Variants in DLGAP2 observed in about 807,000 individuals in gnomAD.
The protein encoded by DLGAP2 is disks large-associated protein 2.
In DLGAP2, 26 loss-of-function variants were observed where a neutral mutation model predicts 100.3. That is an observed-to-expected ratio of 0.26 (90% confidence interval 0.19 to 0.36). DLGAP2 has a LOEUF of 0.36. Among genes scored for constraint, DLGAP2 ranks in the 10% least tolerant of loss-of-function variants. DLGAP2 has a pLI of 1.00. For missense variants in DLGAP2, 1,858 were observed against 1,453.2 expected, an observed-to-expected ratio of 1.28 and a Z score of -4.53; for synonymous variants, 886 against 630.1, an observed-to-expected ratio of 1.41 and a Z score of -6.08.
chr8:999,678 A>G (rs556349090), intron 2 of DLGAP2, among the ~76,000 whole-genome samples: 1 of 151,954 alleles, frequency 6.6e-6, no homozygotes, highest in East Asian at 1.9e-4. Context: ...ATGGGGTTTC[A>G]CCATGTTTGC....
chr8:1,025,372 A>G (rs544218612), intron 2 of DLGAP2, among the ~76,000 whole-genome samples: 2 of 152,058 alleles, frequency 1.3e-5, no homozygotes, highest in Non-Finnish European at 2.9e-5. Context: ...CTTCCCATAA[A>G]CTTAACTGAG....
At chr8:1,010,560 C>T (rs900993657) in intron 2 of DLGAP2, among the ~76,000 whole-genome samples, 20 of 152,212 alleles carry the variant, frequency 1.3e-4, no homozygotes, top group African/African-American at 4.3e-4. Context: ...AGAGTAGAGC[C>T]ATTTTACTGG....
At chr8:1,447,276 A>T (rs1331592982) in intron 3 of DLGAP2, among the ~76,000 whole-genome samples, 1 of 152,030 alleles carries the variant, frequency 6.6e-6, no homozygotes, top group African/African-American at 2.4e-5. Context: ...CATCTAATTT[A>T]TTGAGAGTTT....
chr8:989,966 C>T (rs1439420157), intron 2 of DLGAP2, among the ~76,000 whole-genome samples: 4 of 152,086 alleles, frequency 2.6e-5, no homozygotes, highest in Admixed American at 6.5e-5. Flanking sequence ...GTTCGATGAG[C>T]TCTGAGGAAC....
intron 2 of DLGAP2, among the ~76,000 whole-genome samples, chr8:1,233,433 A>G (rs183387029): frequency 2.4e-4 from 37 of 152,286 alleles, no homozygotes; most frequent in Middle Eastern, 6.8e-3. Flanking sequence ...AATTATTGCA[A>G]ACGTCCTGCC....
chr8:1,254,676 C>G (rs76821632), intron 2 of DLGAP2, among the ~76,000 whole-genome samples: 8,174 of 152,124 alleles, frequency 0.054, 773 homozygotes, highest in African/African-American at 0.19. Context: ...TCAGTGGTGT[C>G]TTTCCCAGGA....
At chr8:1,687,319 A>T (rs1485284006) in intron 12 of DLGAP2, among the ~76,000 whole-genome samples, 4 of 152,272 alleles carry the variant, frequency 2.6e-5, no homozygotes, top group Non-Finnish European at 4.4e-5. Flanking sequence ...ATTTCTTTGT[A>T]CATGGAAGGC....
At chr8:1,466,101 G>A (rs1434799634) in intron 3 of DLGAP2, among the ~76,000 whole-genome samples, 1 of 152,130 alleles carries the variant, frequency 6.6e-6, no homozygotes, top group Non-Finnish European at 1.5e-5. Context: ...TTTGCATTTT[G>A]AGTAATAAAT....
rs546294912 is a variant in DLGAP2, at chr8:986,701, C to T, written c.73+78735C>T. The stretch of plus-strand genomic sequence containing the variant: ...TTGAGACAGAGTCTCACTCTGTTGC[C>T]TAGGCTGGAGTGCAATGATGCAATC... On this transcript the variant is annotated intron_variant, in intron 2 of 14. Coordinates refer to ENST00000637795, the MANE Select transcript of DLGAP2 (RefSeq NM_001346810.2). Among the ~76,000 whole-genome samples, 21 of 149,730 alleles carry T rather than the reference C, an allele frequency of 1.4e-4. No homozygotes were observed. In the South Asian group the frequency reaches 3.2e-3, roughly 23 times the overall value.
intron 13 of DLGAP2, 95 bp downstream of exon 13, chr8:1,691,721 C>T (rs747553705): frequency 1.8e-6 from 2 of 1,095,906 alleles, no homozygotes; most frequent in Non-Finnish European, 2.7e-6. Flanking sequence ...TCAAAGAGTT[C>T]CCATCGGTAT....
intron 2 of DLGAP2, among the ~76,000 whole-genome samples, chr8:1,238,500 G>T (rs372262850): frequency 1.5e-5 from 2 of 130,332 alleles, no homozygotes; most frequent in Non-Finnish European, 1.7e-5. Flanking sequence ...CTCACATGGC[G>T]CCGTGTCTAG....
At chr8:1,561,591 C>A (rs969983342) in intron 5 of DLGAP2, among the ~76,000 whole-genome samples, 3 of 152,236 alleles carry the variant, frequency 2.0e-5, no homozygotes, top group Non-Finnish European at 4.4e-5. Flanking sequence ...TCACTGTGAG[C>A]TGCCGTGTGC....
intron 3 of DLGAP2, among the ~76,000 whole-genome samples, chr8:1,498,303 A>T (rs1799609058): frequency 6.6e-6 from 1 of 152,186 alleles, no homozygotes; most frequent in African/African-American, 2.4e-5. Context: ...TGGATCTGGG[A>T]AAAGGAAGGA....
At chr8:996,985 A>G (rs1360568169) in intron 2 of DLGAP2, among the ~76,000 whole-genome samples, 2 of 152,218 alleles carry the variant, frequency 1.3e-5, no homozygotes, top group Admixed American at 1.3e-4. Flanking sequence ...CATTAATCTT[A>G]TCTCATGTGG....
At chr8:895,637 A>T (rs1158146583) in intron 1 of DLGAP2, among the ~76,000 whole-genome samples, 1 of 152,148 alleles carries the variant, frequency 6.6e-6, no homozygotes, top group Non-Finnish European at 1.5e-5. Context: ...AGAATAATGC[A>T]GTGTGACTTA....
At chr8:784,482 T>G (rs1354049993) in intron 1 of DLGAP2, among the ~76,000 whole-genome samples, 1 of 152,230 alleles carries the variant, frequency 6.6e-6, no homozygotes, top group Non-Finnish European at 1.5e-5. Context: ...AATACTGTAA[T>G]ATTTTAGGCC....
intron 6 of DLGAP2, among the ~76,000 whole-genome samples, chr8:1,586,636 G>C (rs1410010711): frequency 6.6e-6 from 1 of 152,170 alleles, no homozygotes; most frequent in African/African-American, 2.4e-5. Flanking sequence ...AGCGTGGAAG[G>C]CCCTAGGGGT....
chr8:777,148 CT>C (rs1821543632), intron 1 of DLGAP2, among the ~76,000 whole-genome samples: 1 of 152,060 alleles, frequency 6.6e-6, no homozygotes, highest in Admixed American at 6.6e-5. Flanking sequence ...TTCAAGTCTG[CT>C]TTATCAGAGA....
chr8:1,236,999 G>A (rs1273639792), intron 2 of DLGAP2, among the ~76,000 whole-genome samples: 4 of 145,192 alleles, frequency 2.8e-5, no homozygotes, highest in Non-Finnish European at 6.0e-5. Context: ...CTCACACATA[G>A]CGTCATGTCT....
Sources: gnomAD v4.1 joint callset for allele counts (sites outside exome capture counted in the v4.1 genomes callset) on GRCh38, gnomAD v4.1.1 for gene constraint, MANE v1.5 for transcripts, NCBI Gene and HGNC (gene_info 2026-07-23, HGNC 2026-07-21) for gene names.